The following PAPPA variants were observed in gnomAD, a reference collection of about 807,000 sequenced individuals.
PAPPA encodes the protein pappalysin 1.
Under a neutral mutation model 164.0 loss-of-function variants are expected in PAPPA, and 60 were observed. The observed-to-expected ratio is 0.37, with a 90% confidence interval of 0.30 to 0.45. The LOEUF (loss-of-function observed/expected upper bound fraction) is 0.45. Ranked by LOEUF, PAPPA falls within the 20% of genes least tolerant of loss-of-function variation. PAPPA has a pLI of 1.00. For synonymous variants in PAPPA, 875 were observed against 814.1 expected (o/e 1.07, Z -1.27); for missense variants, 1,782 against 2,087.3 (o/e 0.85, Z 2.85).
intron 1 of PAPPA, among the ~76,000 whole-genome samples, chr9:116,166,409 CCCTTATCAGTGT>C (rs1843720062): frequency 6.6e-6 from 1 of 152,148 alleles, no homozygotes. Context: ...CCCTCTCTCC[CCCTTATCAGTGT>C]CCTTCTGAGC....
chr9:116,308,110 G>A (rs1009124183), intron 10 of PAPPA, among the ~76,000 whole-genome samples: 5 of 152,208 alleles, frequency 3.3e-5, no homozygotes, highest in African/African-American at 7.2e-5. Flanking sequence ...GTCAGCAAAC[G>A]TTTGCTGCAT....
Position 116,271,564 on chromosome 9 carries a change from G to A in PAPPA, c.2953+148G>A. Reference sequence around the variant, plus strand: ...TTATTGAGTGCCTCCTACATGCCAGGCACTGTTTTCAATATCGGGAAATAC... The same window carrying A: ...TTATTGAGTGCCTCCTACATGCCAGACACTGTTTTCAATATCGGGAAATAC... On this transcript the variant is annotated intron_variant, in intron 9 of 21. Coordinates refer to ENST00000328252, the MANE Select transcript of PAPPA (RefSeq NM_002581.5). The surrounding 1 kb of genome is among the most constrained non-coding windows in gnomAD (Gnocchi z 4.2). 1 of 645,206 alleles carries A rather than the reference G, an allele frequency of 1.5e-6. No individual in the cohort carries two copies. 40.0% of individuals were successfully genotyped at this position (645,206 alleles called of 1,614,324 possible).
At chr9:116,327,194 A>G (rs1401484229) in intron 10 of PAPPA, among the ~76,000 whole-genome samples, 1 of 152,194 alleles carries the variant, frequency 6.6e-6, no homozygotes, top group African/African-American at 2.4e-5. Flanking sequence ...ATGTGAAAGG[A>G]GGGACCAGGT....
intron 4 of PAPPA, among the ~76,000 whole-genome samples, chr9:116,216,606 G>T (rs963452064): frequency 6.6e-6 from 1 of 152,178 alleles, no homozygotes; most frequent in Non-Finnish European, 1.5e-5. Flanking sequence ...AGCCAAGTGG[G>T]ACTGACTCTA....
At chr9:116,326,998 G>A (rs771209171) in intron 10 of PAPPA, among the ~76,000 whole-genome samples, 1 of 152,130 alleles carries the variant, frequency 6.6e-6, no homozygotes, top group African/African-American at 2.4e-5. Context: ...GGACATGTAG[G>A]TTGTTACATC....
intron 1 of PAPPA, among the ~76,000 whole-genome samples, chr9:116,165,999 C>T (rs1255459884): frequency 1.3e-5 from 2 of 152,110 alleles, no homozygotes; most frequent in Non-Finnish European, 2.9e-5. Context: ...TATAAAGGGG[C>T]TATATGTATT....
chr9:116,210,820 A>G (rs543095126), intron 3 of PAPPA, among the ~76,000 whole-genome samples: 11 of 152,178 alleles, frequency 7.2e-5, no homozygotes, highest in South Asian at 2.1e-4. Flanking sequence ...CTGCATTTCT[A>G]CTAAGCTCTC....
chr9:116,233,924 C>A (rs1009773074), intron 6 of PAPPA, among the ~76,000 whole-genome samples: 1 of 151,876 alleles, frequency 6.6e-6, no homozygotes, highest in East Asian at 1.9e-4. Context: ...GGCATGGGGA[C>A]ACATGCCTAT....
chr9:116,175,853 A>G (rs1186839429), intron 1 of PAPPA, among the ~76,000 whole-genome samples: 1 of 152,104 alleles, frequency 6.6e-6, no homozygotes, highest in African/African-American at 2.4e-5. Flanking sequence ...CATTGCCATG[A>G]AAAAAAATTA....
At chr9:116,306,816 C>T (rs1457509128) in intron 10 of PAPPA, among the ~76,000 whole-genome samples, 2 of 152,152 alleles carry the variant, frequency 1.3e-5, no homozygotes, top group African/African-American at 4.8e-5. Flanking sequence ...AGCATTTCTA[C>T]CAAAGTCTGT....
At chr9:116,344,143 A>G (rs1846175983) in intron 13 of PAPPA, among the ~76,000 whole-genome samples, 1 of 152,116 alleles carries the variant, frequency 6.6e-6, no homozygotes, top group African/African-American at 2.4e-5. Context: ...TTAATTCTCA[A>G]AATGATCCTT....
At chr9:116,297,332 C>A (rs1564214955) in intron 9 of PAPPA, among the ~76,000 whole-genome samples, 1 of 152,200 alleles carries the variant, frequency 6.6e-6, no homozygotes, top group Non-Finnish European at 1.5e-5. Flanking sequence ...TTTACAGTAA[C>A]CGATAACTTA....
At chr9:116,172,043 T>C (rs1405329888) in intron 1 of PAPPA, among the ~76,000 whole-genome samples, 2 of 152,232 alleles carry the variant, frequency 1.3e-5, no homozygotes, top group African/African-American at 4.8e-5. Flanking sequence ...TACCTATGCA[T>C]AACAGCTAAT....
At chr9:116,269,078 T>C (rs934073783) in intron 8 of PAPPA, among the ~76,000 whole-genome samples, 4 of 152,158 alleles carry the variant, frequency 2.6e-5, no homozygotes, top group Non-Finnish European at 4.4e-5. Context: ...AGGCAATGGA[T>C]GAACGTTTTG....
At chr9:116,283,156 A>G (rs1535636) in intron 9 of PAPPA, among the ~76,000 whole-genome samples, 2,018 of 152,280 alleles carry the variant, frequency 0.013, 30 homozygotes, top group Non-Finnish European at 0.02. Flanking sequence ...GCTCACACTG[A>G]TTATTGTCTA....
chr9:116,244,679 G>A (rs934934622), intron 7 of PAPPA, among the ~76,000 whole-genome samples: 1 of 152,050 alleles, frequency 6.6e-6, no homozygotes, highest in South Asian at 2.1e-4. Context: ...TGTTGGTAAG[G>A]GTGTGGAGAA....
chr9:116,318,258 C>G (rs1252565841), intron 10 of PAPPA: 2 of 152,136 alleles, frequency 1.3e-5, no homozygotes, highest in Non-Finnish European at 2.9e-5. Context: ...CAGAACCTAC[C>G]ACATTTCTCT....
chr9:116,374,035 T>C (rs1846611838), intron 19 of PAPPA, among the ~76,000 whole-genome samples: 1 of 151,780 alleles, frequency 6.6e-6, no homozygotes, highest in African/African-American at 2.4e-5. Context: ...GATGATGATA[T>C]TGACGTTGGT....
chr9:116,299,357 C>T (rs1225069826), intron 9 of PAPPA, among the ~76,000 whole-genome samples: 2 of 152,116 alleles, frequency 1.3e-5, no homozygotes, highest in African/African-American at 4.8e-5. Flanking sequence ...GTTTACCTAC[C>T]TGTGTCTATT....
Sources: allele counts gnomAD v4.1 joint callset (sites outside exome capture counted in the v4.1 genomes callset), GRCh38; gene constraint gnomAD v4.1.1; non-coding constraint Gnocchi (gnomAD v3.1); transcripts MANE v1.5; gene names NCBI Gene and HGNC (gene_info 2026-07-23, HGNC 2026-07-21).